The following JMJD6 variants were observed in gnomAD, a reference collection of about 807,000 sequenced individuals.
The protein encoded by JMJD6 is jumonji domain containing 6, arginine demethylase and lysine hydroxylase.
JMJD6 carries 17 observed loss-of-function variants against 45.8 expected under a neutral mutation model. The observed-to-expected ratio is 0.37, with a 90% CI of 0.25 to 0.56. The LOEUF is 0.56. Among genes scored for constraint, JMJD6 ranks in the 20% least tolerant of loss-of-function variants. The probability of loss-of-function intolerance (pLI) is 0.79; values close to 1 mark genes in which losing one functional copy is unlikely to be tolerated. For synonymous variants in JMJD6, 221 were observed against 196.3 expected (o/e 1.13, Z -1.05); for missense variants, 470 against 517.5 (o/e 0.91, Z 0.89).
chr17:76,725,167 G>C (rs2076892623), intron 2 of JMJD6, among the ~76,000 whole-genome samples: 1 of 152,170 alleles, frequency 6.6e-6, no homozygotes, highest in Admixed American at 6.5e-5. Context: ...GCAGCACTTT[G>C]GGAGGCCGAG....
chr17:76,720,099 C>T (rs149315086), intron 5 of JMJD6, among the ~76,000 whole-genome samples: 13,809 of 152,216 alleles, frequency 0.091, 949 homozygotes, highest in African/African-American at 0.19. Flanking sequence ...GAGCCGAGAT[C>T]GCGCCATTGC....
chr17:76,725,683 C>T lies in JMJD6; in HGVS notation c.302G>A (p.Cys101Tyr). ...KRKYRNQKFK[C>Y]GEDNDGYSVK... ...TGAGTAGCCATCGTTATCCTCACCA[C>T]ACTTGAACTTCTGGTTCCGATATTT... is the stretch of plus-strand genomic sequence containing the variant. Residue 101 changes from cysteine to tyrosine, a missense_variant, in exon 2 of 6, where the codon TGT becomes TAT. Physicochemically the swap from Cys to Tyr is radical, Grantham distance 194. Coordinates refer to ENST00000397625, the MANE Select transcript of JMJD6 (RefSeq NM_015167.3). The T allele has an allele frequency of 6.2e-7, 1 of 1,614,130 alleles. No homozygotes were observed. Among genetic ancestry groups the T allele is most frequent in the Non-Finnish European group, 8.5e-7 (1 of 1,180,026 alleles).
chr17:76,723,887 G>A lies in JMJD6; in HGVS notation c.690C>T (p.Asp230=), dbSNP rs778506056. Reference sequence around the variant, plus strand: ...TAACATTAAACCAGGTAATAGCTTCGTCTTGCTGGTTCCCTCCTTCGTCTC... The same window carrying A: ...TAACATTAAACCAGGTAATAGCTTCATCTTGCTGGTTCCCTCCTTCGTCTC... ...VTRDEGGNQQ[D]EAITWFNVIY... Residue 230 remains aspartate (D), a synonymous_variant, in exon 3 of 6, where the codon GAC becomes GAT. Transcript: ENST00000397625. 1.5e-5 allele frequency: 25 copies of A among 1,613,970 alleles called. No individual in the cohort carries two copies. The East Asian group carries it at 2.0e-4, about 13-fold the overall frequency.
intron 1 of JMJD6, 151 bp downstream of exon 1, chr17:76,726,196 C>A: frequency 2.7e-6 from 3 of 1,111,078 alleles, no homozygotes; most frequent in Non-Finnish European, 3.6e-6. Context: ...CCGGAATCCG[C>A]GCCTCGGGGA....
downstream of JMJD6, chr17:76,715,202 G>A (rs904930232): frequency 6.6e-6 from 1 of 152,182 alleles, no homozygotes; most frequent in Non-Finnish European, 1.5e-5. Flanking sequence ...TAAAAAGCAG[G>A]AGTAGCAACA....
chr17:76,718,158 C>T (rs967370073), downstream of JMJD6, among the ~76,000 whole-genome samples: 1 of 39,152 alleles, frequency 2.6e-5, no homozygotes, highest in Non-Finnish European at 5.4e-5. Context: ...GAGACCCTGT[C>T]TCAAAAAAAA....
chr17:76,721,825 C>A lies in JMJD6; in HGVS notation c.914G>T (p.Arg305Ile), dbSNP rs1429633154. 6.2e-7 allele frequency: 1 copy of A among 1,614,028 alleles called. No homozygotes were observed. Among genetic ancestry groups the A allele is most frequent in the Non-Finnish European group, 8.5e-7 (1 of 1,179,998 alleles). The change falls in exon 4 of 6, where the codon AGA becomes ATA. Residue 305 changes from arginine (R) to isoleucine (I), a missense_variant. Around this residue, in one of 4 missense-constraint regions of JMJD6, gnomAD observed 58 missense variants for 103.9 expected, o/e 0.56. Transcript: ENST00000397625. The stretch of plus-strand genomic sequence containing the variant: ...ATACCATTTCCTTGATAACTTTGGT[C>A]TCCCTCTTACCGTCTTGTGCCATAC... ...PVVWHKTVRG[R>I]PKLSRKWYRI...
chr17:76,723,751 T>G (rs376442239), intron 3 of JMJD6, 21 bp downstream of exon 3: 18 of 1,609,108 alleles, frequency 1.1e-5, no homozygotes, highest in Non-Finnish European at 1.4e-5. Context: ...AAGAATGTAC[T>G]TTCTTCCAGT....
chr17:76,718,367 G>T, downstream of JMJD6: 1 of 1,003,302 alleles, frequency 1.0e-6, no homozygotes, highest in Non-Finnish European at 1.3e-6. Flanking sequence ...CACAGCAGGA[G>T]TCACTGCTTT....
At position 76,726,483 on chromosome 17, in the gene JMJD6, G is replaced by C. The variant is rs762443596; in HGVS notation, c.-8C>G. The C allele has an allele frequency of 1.7e-4, 265 of 1,587,670 alleles. No individual in the cohort carries two copies. The highest frequency in any genetic ancestry group is 2.2e-4 in the Non-Finnish European group (254 of 1,167,550). ...CTTGCTCTTGTGGTTCATTCTGCGGGGTCGCCAGCTGGTTCCGCTACGACC... is the reference window on the plus strand; with the variant it reads ...CTTGCTCTTGTGGTTCATTCTGCGGCGTCGCCAGCTGGTTCCGCTACGACC... On this transcript the variant is annotated 5_prime_UTR_variant, in exon 1 of 6. Coordinates refer to ENST00000397625, the MANE Select transcript of JMJD6 (RefSeq NM_015167.3).
chr17:76,720,298 G>A, intron 5 of JMJD6, 62 bp downstream of exon 5: 1 of 1,503,216 alleles, frequency 6.7e-7, no homozygotes, highest in Non-Finnish European at 9.3e-7. Context: ...GTCACACCTG[G>A]TTATGACTGA....
intron 4 of JMJD6, among the ~76,000 whole-genome samples, chr17:76,721,060 C>G (rs956165620): frequency 1.3e-5 from 2 of 152,238 alleles, no homozygotes; most frequent in African/African-American, 4.8e-5. Flanking sequence ...GAAACCTTAT[C>G]TGGCATCCAC....
Position 76,721,866 on chromosome 17 carries a change from G to A in JMJD6, c.873C>T (p.Ser291=), listed in dbSNP as rs766312750. The A allele has an allele frequency of 1.9e-6, 3 of 1,614,144 alleles. No individual in the cohort carries two copies. Among genetic ancestry groups the A allele is most frequent in the South Asian group, 1.1e-5 (1 of 91,090 alleles). ...TGTGCCATACCACAGGGAAGTTGGT[G>A]CTGCTGGCAAAATTTTGGGTGATGG... ...TIAITQNFAS[S]TNFPVVWHKT... The change falls in exon 4 of 6, where the codon AGC becomes AGT. Residue 291 remains serine, a synonymous_variant. Coordinates refer to ENST00000397625, the MANE Select transcript of JMJD6 (RefSeq NM_015167.3).
In JMJD6 at chr17:76,725,938, G is replaced by A. The variant is rs944495177; in HGVS notation, c.130-83C>T. On this transcript the variant is annotated intron_variant, in intron 1 of 5. Transcript: ENST00000397625. Reference sequence around the variant, plus strand: ...ATAAGGGTGTCCCCAAGGCCAACTGGTAATGACAAACCGAAGGAAGTTGAC... The same window carrying A: ...ATAAGGGTGTCCCCAAGGCCAACTGATAATGACAAACCGAAGGAAGTTGAC... The A allele has an allele frequency of 2.1e-6, 3 of 1,459,248 alleles. No homozygotes were observed. In the African/African-American group the frequency reaches 4.3e-5, roughly 21 times the overall value. 90.4% of individuals were successfully genotyped at this position (1,459,248 alleles called of 1,614,324 possible). A position where few individuals can be genotyped will look rare whatever the true frequency, so the allele number is the denominator to read the frequency against.
intron 3 of JMJD6, among the ~76,000 whole-genome samples, 183 bp from the exon 4 acceptor site, chr17:76,722,116 G>A (rs2076833214): frequency 6.6e-6 from 1 of 152,166 alleles, no homozygotes; most frequent in African/African-American, 2.4e-5. Context: ...AGTTTTATCG[G>A]AGCACAGCCA....
chr17:76,720,316 GA>G (rs2076807104), intron 5 of JMJD6, 43 bp downstream of exon 5: 1 of 1,590,638 alleles, frequency 6.3e-7, no homozygotes, highest in Non-Finnish European at 8.6e-7. Context: ...TGAGTTACAT[GA>G]GCCTTGGAGG....
chr17:76,715,924 T>C (rs886815482), downstream of JMJD6: 2 of 152,222 alleles, frequency 1.3e-5, no homozygotes, highest in African/African-American at 4.8e-5. Flanking sequence ...TGGGGAACGC[T>C]AATCTCAGAG....
downstream of JMJD6, chr17:76,716,794 G>A: frequency 1.3e-6 from 2 of 1,550,784 alleles, no homozygotes; most frequent in South Asian, 1.1e-5. Context: ...GGAAGGCAAT[G>A]TTAAAAGCAG....
intron 4 of JMJD6, 60 bp downstream of exon 4, chr17:76,721,738 C>T: frequency 6.4e-7 from 1 of 1,554,718 alleles, no homozygotes; most frequent in Non-Finnish European, 8.8e-7. Flanking sequence ...GTGGACTAGC[C>T]ATTTTATCTC....
Sources: allele counts gnomAD v4.1 joint callset (sites outside exome capture counted in the v4.1 genomes callset), GRCh38; gene constraint gnomAD v4.1.1; regional missense constraint gnomAD v4.1.1; transcripts MANE v1.5; gene names NCBI Gene and HGNC (gene_info 2026-07-23, HGNC 2026-07-21).